Variants in GPC5 observed in about 807,000 individuals in gnomAD.
GPC5 encodes the protein glypican 5.
A neutral mutation model predicts 53.9 loss-of-function variants in GPC5; 47 were observed. The ratio of observed to expected loss-of-function variants is 0.87; its 90% confidence interval spans 0.69 to 1.11. The LOEUF (loss-of-function observed/expected upper bound fraction) is 1.11. Ranked by LOEUF, GPC5 falls within the 50% of genes most tolerant of loss-of-function variation. The pLI, the probability that GPC5 is intolerant of heterozygous loss-of-function variation, is 0.00. For synonymous variants in GPC5, 286 were observed against 263.3 expected (o/e 1.09, Z -0.84); for missense variants, 748 against 713.1 (o/e 1.05, Z -0.56).
chr13:91,795,420 T>A (rs1248140802), intron 5 of GPC5, among the ~76,000 whole-genome samples: 1 of 152,190 alleles, frequency 6.6e-6, no homozygotes, highest in African/African-American at 2.4e-5. Context: ...TGTTTTGGGA[T>A]CATTTTGTTG....
intron 7 of GPC5, among the ~76,000 whole-genome samples, chr13:92,577,410 GTA>G (rs1189126719): frequency 1.9e-4 from 27 of 141,762 alleles, no homozygotes; most frequent in African/African-American, 7.1e-4. Context: ...ATGTAAGTAT[GTA>G]TGTATATGTG....
chr13:92,809,606 G>A (rs1877220698), intron 7 of GPC5, among the ~76,000 whole-genome samples: 1 of 152,080 alleles, frequency 6.6e-6, no homozygotes, highest in South Asian at 2.1e-4. Flanking sequence ...TATTACTTGT[G>A]ATTTTTAAAA....
chr13:92,532,838 A>G lies in GPC5; in HGVS notation c.1562-333444A>G, dbSNP rs185659229. Among the ~76,000 whole-genome samples, 449 of 152,260 alleles carry G rather than the reference A, an allele frequency of 2.9e-3. 1 individual carries two copies. Among genetic ancestry groups the G allele is most frequent in the African/African-American group, 0.01 (436 of 41,550 alleles). ...CACTAATTTATTTGTAAAAAAGAAC[A>G]TCTTTTGCAAAATGAAAGAACATAT... On this transcript the variant is annotated intron_variant, in intron 7 of 7. Transcript: ENST00000377067.
chr13:92,477,864 C>T (rs1374163322), intron 7 of GPC5, among the ~76,000 whole-genome samples: 5 of 151,800 alleles, frequency 3.3e-5, no homozygotes, highest in South Asian at 2.1e-4. Flanking sequence ...TTGCTGTAAC[C>T]GGTGTTGTCC....
At chr13:92,846,311 A>T (rs1878610714) in intron 7 of GPC5, among the ~76,000 whole-genome samples, 1 of 152,166 alleles carries the variant, frequency 6.6e-6, no homozygotes, top group African/African-American at 2.4e-5. Context: ...TGGGAAACAC[A>T]ATTTGGATTA....
intron 7 of GPC5, among the ~76,000 whole-genome samples, chr13:92,781,038 CA>C (rs1027224030): frequency 2.3e-4 from 35 of 152,232 alleles, no homozygotes; most frequent in Middle Eastern, 6.8e-3. Flanking sequence ...CACACGCACA[CA>C]TATACATCTT....
chr13:92,121,991 C>T (rs1353083272), intron 6 of GPC5, among the ~76,000 whole-genome samples: 1 of 152,226 alleles, frequency 6.6e-6, no homozygotes, highest in Non-Finnish European at 1.5e-5. Context: ...AAATAAACTT[C>T]AGTCTTTGCT....
chr13:91,636,455 G>C (rs1049526408), intron 2 of GPC5, among the ~76,000 whole-genome samples: 1 of 150,058 alleles, frequency 6.7e-6, no homozygotes, highest in Non-Finnish European at 1.5e-5. Flanking sequence ...GTGTGTATTT[G>C]TGTGTATCTC....
At chr13:91,797,345 G>A (rs1379003934) in intron 5 of GPC5, among the ~76,000 whole-genome samples, 2 of 152,000 alleles carry the variant, frequency 1.3e-5, no homozygotes, top group Non-Finnish European at 2.9e-5. Flanking sequence ...CATTTTTGTT[G>A]ATGTTGAAAA....
At position 92,740,960 on chromosome 13, in the gene GPC5, G is replaced by GTGTGTGTATATATATATATATA. The variant is rs35795926; in HGVS notation, c.1562-125321_1562-125320insGTGTGTATATATATATATATAT. 4.8e-3 allele frequency among the ~76,000 whole-genome samples: 562 copies of GTGTGTGTATATATATATATATA among 117,742 alleles called. 43 individuals carry two copies. Among genetic ancestry groups the GTGTGTGTATATATATATATATA allele is most frequent in the Non-Finnish European group, 6.7e-3 (361 of 53,524 alleles). The allele number at this position is 117,742 out of a possible 152,430, so 77.2% of individuals were successfully genotyped here. ...TGTATGTGTGTATATATATGTATGT[G>GTGTGTGTATATATATATATATA]TATATATATATCCTGCTGTAGCATA... On this transcript the variant is annotated intron_variant, in intron 7 of 7. Transcript: ENST00000377067.
intron 7 of GPC5, among the ~76,000 whole-genome samples, chr13:92,773,344 CT>C (rs1293051082): frequency 9.9e-5 from 15 of 151,004 alleles, no homozygotes; most frequent in Admixed American, 8.6e-4. Context: ...GTATGTATTA[CT>C]TTTTTTTTAG....
At chr13:91,906,671 C>G (rs1300257272) in intron 5 of GPC5, among the ~76,000 whole-genome samples, 3 of 151,936 alleles carry the variant, frequency 2.0e-5, no homozygotes, top group Non-Finnish European at 4.4e-5. Flanking sequence ...TAGTATAGGA[C>G]TTGGAATATA....
At chr13:92,376,314 T>C (rs187846831) in intron 7 of GPC5, among the ~76,000 whole-genome samples, 147 of 152,348 alleles carry the variant, frequency 9.6e-4, no homozygotes, top group African/African-American at 3.1e-3. Context: ...CATAACGATC[T>C]GGTGGAGCAT....
chr13:92,674,220 C>T (rs996266273), intron 7 of GPC5, among the ~76,000 whole-genome samples: 13 of 152,144 alleles, frequency 8.5e-5, no homozygotes, highest in Admixed American at 2.0e-4. Context: ...ACGTTCCTCT[C>T]ACTGGGTTCA....
intron 6 of GPC5, among the ~76,000 whole-genome samples, chr13:91,924,965 G>T (rs2139022675): frequency 6.6e-6 from 1 of 151,792 alleles, no homozygotes; most frequent in Middle Eastern, 3.4e-3. Flanking sequence ...GAGTACAGGT[G>T]CCTGCCAACA....
chr13:91,621,093 C>G (rs764324354), intron 2 of GPC5, among the ~76,000 whole-genome samples: 2 of 152,022 alleles, frequency 1.3e-5, no homozygotes, highest in African/African-American at 4.8e-5. Flanking sequence ...GGAGATAGTC[C>G]AGATCTCTCT....
At chr13:92,281,471 G>A (rs570364767) in intron 7 of GPC5, among the ~76,000 whole-genome samples, 3 of 152,198 alleles carry the variant, frequency 2.0e-5, no homozygotes, top group Admixed American at 6.5e-5. Context: ...CCTGACCACC[G>A]AGTAGCCTAA....
chr13:92,687,080 CT>C (rs1887280729), intron 7 of GPC5, among the ~76,000 whole-genome samples: 1 of 5,270 alleles, frequency 1.9e-4, no homozygotes. Flanking sequence ...CTTTAAAGTA[CT>C]TTTTTCCAAT....
chr13:91,455,590 TG>T (rs1881485621), intron 2 of GPC5, among the ~76,000 whole-genome samples: 1 of 152,184 alleles, frequency 6.6e-6, no homozygotes, highest in Non-Finnish European at 1.5e-5. Flanking sequence ...TTAAAATTTC[TG>T]TCCTAGGTAC....
Sources: allele counts gnomAD v4.1 joint callset (sites outside exome capture counted in the v4.1 genomes callset), GRCh38; gene constraint gnomAD v4.1.1; transcripts MANE v1.5; gene names NCBI Gene and HGNC (gene_info 2026-07-23, HGNC 2026-07-21).